KLF12: variants seen among roughly 807,000 people sequenced by gnomAD.
KLF12 encodes the protein KLF transcription factor 12, also known as Krueppel-like factor 12.
In KLF12, 9 loss-of-function variants were observed where a neutral mutation model predicts 37.8. The observed-to-expected ratio is 0.24, with a 90% CI of 0.14 to 0.42. The LOEUF (loss-of-function observed/expected upper bound fraction) is 0.42. Among genes scored for constraint, KLF12 ranks in the 10% least tolerant of loss-of-function variants. KLF12 has a pLI of 1.00. For synonymous variants in KLF12, 208 were observed against 202.1 expected, an observed-to-expected ratio of 1.03 and a Z score of -0.25; for missense variants, 411 against 516.0, an observed-to-expected ratio of 0.80 and a Z score of 1.97.
the KLF12 span, among the ~76,000 whole-genome samples, chr13:74,269,376 T>C: frequency 1.3e-5 from 2 of 152,170 alleles, no homozygotes; most frequent in Non-Finnish European, 2.9e-5. Flanking sequence ...GTTCACAGTA[T>C]GCTCATATAG....
At chr13:74,157,840 A>G in the KLF12 span, among the ~76,000 whole-genome samples, 2 of 152,186 alleles carry the variant, frequency 1.3e-5, no homozygotes, top group African/African-American at 4.8e-5. Context: ...ATACCTGCTG[A>G]GTCCTTAGAC....
chr13:74,061,318 G>C (rs1228764115), intron 1 of KLF12, among the ~76,000 whole-genome samples: 2 of 152,154 alleles, frequency 1.3e-5, no homozygotes, highest in Non-Finnish European at 2.9e-5. Context: ...AACACAGATA[G>C]GTGGGTTCTG....
At chr13:73,737,915 A>G (rs1427841954) in intron 6 of KLF12, among the ~76,000 whole-genome samples, 2 of 151,784 alleles carry the variant, frequency 1.3e-5, no homozygotes, top group East Asian at 3.9e-4. Flanking sequence ...GTGACTGTAA[A>G]CCAACAACAT....
the KLF12 span, among the ~76,000 whole-genome samples, chr13:74,172,662 G>A: frequency 6.6e-6 from 1 of 152,110 alleles, no homozygotes; most frequent in Admixed American, 6.5e-5. Context: ...TTTATCTGAA[G>A]CCATCCCACA....
At chr13:74,037,200 C>G (rs1176559446) in intron 1 of KLF12, among the ~76,000 whole-genome samples, 1 of 129,264 alleles carries the variant, frequency 7.7e-6, no homozygotes, top group Non-Finnish European at 1.6e-5. Context: ...AAGACTCCGT[C>G]TCCAAAAAAA....
the KLF12 span, among the ~76,000 whole-genome samples, chr13:74,260,539 G>A: frequency 1.4e-5 from 2 of 142,484 alleles, no homozygotes; most frequent in Non-Finnish European, 3.0e-5. Flanking sequence ...GGGTGACAGA[G>A]TGAAACACTG....
intron 1 of KLF12, among the ~76,000 whole-genome samples, chr13:74,046,657 A>G (rs1431902378): frequency 6.6e-5 from 10 of 152,184 alleles, no homozygotes; most frequent in South Asian, 2.1e-4. Context: ...AGTGAATCAT[A>G]TAAGATTATT....
chr13:73,893,085 A>G (rs1887589511), intron 3 of KLF12, among the ~76,000 whole-genome samples: 1 of 151,952 alleles, frequency 6.6e-6, no homozygotes, highest in African/African-American at 2.4e-5. Flanking sequence ...CAGCCCCCAA[A>G]GCAGGCTTTC....
intron 1 of KLF12, among the ~76,000 whole-genome samples, chr13:74,035,397 A>C (rs1441036466): frequency 6.6e-6 from 1 of 152,186 alleles, no homozygotes; most frequent in Non-Finnish European, 1.5e-5. Context: ...ATTTATATTA[A>C]TGTGGTTATC....
intron 7 of KLF12, among the ~76,000 whole-genome samples, chr13:73,712,977 G>T (rs1026090479): frequency 6.6e-6 from 1 of 152,176 alleles, no homozygotes; most frequent in Non-Finnish European, 1.5e-5. Context: ...GGGATGTCGG[G>T]AACTGAACCC....
intron 1 of KLF12, among the ~76,000 whole-genome samples, chr13:74,055,023 A>G (rs142496857): frequency 4.6e-5 from 7 of 152,358 alleles, no homozygotes; most frequent in African/African-American, 1.7e-4. Flanking sequence ...AATTACAATA[A>G]CAGGGCAAAG....
the KLF12 span, chr13:74,258,157 G>A: frequency 1.7e-4 from 15 of 86,752 alleles, no homozygotes; most frequent in African/African-American, 9.6e-4. Flanking sequence ...GTCTATTACT[G>A]TGTTTGTGTG....
At chr13:74,089,060 T>C (rs1009931630) in intron 1 of KLF12, among the ~76,000 whole-genome samples, 10 of 152,156 alleles carry the variant, frequency 6.6e-5, no homozygotes, top group Admixed American at 6.6e-5. Flanking sequence ...TGCGTAATTA[T>C]CAAAAAAAGT....
the KLF12 span, among the ~76,000 whole-genome samples, chr13:74,282,046 A>G: frequency 6.6e-6 from 1 of 152,166 alleles, no homozygotes; most frequent in African/African-American, 2.4e-5. Flanking sequence ...AACCTTAGTA[A>G]GGTCAGTCAA....
chr13:73,980,139 AC>A (rs1891655083), intron 2 of KLF12, among the ~76,000 whole-genome samples: 1 of 152,174 alleles, frequency 6.6e-6, no homozygotes, highest in Non-Finnish European at 1.5e-5. Flanking sequence ...GTACAATCTT[AC>A]CCTAATGCAT....
intron 1 of KLF12, among the ~76,000 whole-genome samples, chr13:74,054,481 G>A (rs1162787957): frequency 6.6e-6 from 1 of 152,126 alleles, no homozygotes; most frequent in Non-Finnish European, 1.5e-5. Context: ...GGAGAGGCTG[G>A]CAAGGAAGAG....
rs141183728 is a variant in KLF12, at chr13:73,846,350, G to A, written c.147C>T (p.Pro49=). ...GCAACAGGGGAACGGCTTCCATATC[G>A]GGATAGTTGTGGACGTTTGGAGACT... Residue 49 remains proline, a synonymous_variant, in exon 4 of 8, where the codon CCC becomes CCT. Transcript: ENST00000377669. The A allele has an allele frequency of 1.4e-4, 228 of 1,613,208 alleles. No individual in the cohort carries two copies. The highest frequency in any genetic ancestry group is 1.8e-4 in the Non-Finnish European group (214 of 1,179,780).
At chr13:73,791,119 T>C (rs1881661459) in intron 5 of KLF12, among the ~76,000 whole-genome samples, 2 of 152,222 alleles carry the variant, frequency 1.3e-5, no homozygotes, top group African/African-American at 4.8e-5. Context: ...TCACTTCGTG[T>C]TTAAGCTATG....
chr13:73,764,940 A>C lies in KLF12; in HGVS notation c.867T>G (p.Pro289=), dbSNP rs747140584. The C allele has an allele frequency of 3.9e-6, 6 of 1,548,424 alleles. No homozygotes were observed. Among genetic ancestry groups the C allele is most frequent in the Non-Finnish European group, 4.5e-6 (5 of 1,120,850 alleles). The change falls in exon 6 of 8, where the codon CCT becomes CCG. Residue 289 remains proline, a splice_region_variant and synonymous_variant. Transcript: ENST00000377669. The stretch of plus-strand genomic sequence containing the variant: ...CTCATATTAGACTGTATACTCACCA[A>C]GGAAACTTTTGATTATTCATTCGAT...
Sources: allele counts gnomAD v4.1 joint callset (sites outside exome capture counted in the v4.1 genomes callset), GRCh38; gene constraint gnomAD v4.1.1; transcripts MANE v1.5; gene names NCBI Gene and HGNC (gene_info 2026-07-23, HGNC 2026-07-21).